TRIM59: variants seen among roughly 807,000 people sequenced by gnomAD.
TRIM59 encodes the protein tripartite motif containing 59.
TRIM59 carries 14 observed loss-of-function variants against 32.2 expected under a neutral mutation model. The observed-to-expected ratio is 0.43, with a 90% CI of 0.29 to 0.68. The LOEUF (loss-of-function observed/expected upper bound fraction) is 0.68. Among genes scored for constraint, TRIM59 ranks in the 30% least tolerant of loss-of-function variants. The pLI is 0.15. For synonymous variants in TRIM59, 163 were observed against 155.1 expected (o/e 1.05, Z -0.38); for missense variants, 471 against 463.3 (o/e 1.02, Z -0.15).
In TRIM59 at chr3:160,438,969, GATTCAATGCC is replaced by G; in HGVS notation, c.205_214del (p.Gly69LeufsTer8). ...CCTTAGTGCAAAATTAACAGGTAAAGATTCAATGCCAGTTGGAGCAATTTCAGTAATACTT... is the reference window on the plus strand; with the variant it reads ...CCTTAGTGCAAAATTAACAGGTAAAGAGTTGGAGCAATTTCAGTAATACTT... On this transcript the variant is annotated frameshift_variant, in exon 3 of 3. Transcript: ENST00000309784. LOFTEE classifies it high-confidence loss of function. 1 of 1,614,072 alleles carries G rather than the reference GATTCAATGCC, an allele frequency of 6.2e-7. No homozygotes were observed.
At chr3:160,446,735 G>A (rs1018582164) in intron 2 of TRIM59, among the ~76,000 whole-genome samples, 4 of 151,936 alleles carry the variant, frequency 2.6e-5, no homozygotes, top group South Asian at 2.1e-4. Context: ...CCTGAGCTCC[G>A]CCTCGAGCCC....
chr3:160,436,977 T>C lies in TRIM59; in HGVS notation c.*995A>G. ...TGTTCTAATAAGAATGAGTTTTTAA[T>C]CCAAGAACTGATTTGACTGACGAGC... On this transcript the variant is annotated 3_prime_UTR_variant, in exon 3 of 3. Transcript: ENST00000309784. 1.0e-6 allele frequency: 1 copy of C among 985,166 alleles called. No homozygotes were observed. The highest frequency in any genetic ancestry group is 1.2e-6 in the Non-Finnish European group (1 of 829,876). The allele number at this position is 985,166 out of a possible 1,614,324, so 61.0% of individuals were successfully genotyped here. A position where few individuals can be genotyped will look rare whatever the true frequency, so the allele number is the denominator to read the frequency against.
At position 160,438,404 on chromosome 3, in the gene TRIM59, A is replaced by G; in HGVS notation, c.780T>C (p.His260=). The G allele has an allele frequency of 1.2e-6, 2 of 1,614,022 alleles. No homozygotes were observed. The highest frequency in any genetic ancestry group is 1.7e-6 in the Non-Finnish European group (2 of 1,179,998). Residue 260 remains histidine (H), a synonymous_variant, in exon 3 of 3, where the codon CAT becomes CAC. Transcript: ENST00000309784. ...FLEKVDDVRQ[H]VQILKQRPLP... The stretch of plus-strand genomic sequence containing the variant: ...GTGGTCTTTGTTTCAAGATCTGTAC[A>G]TGCTGGCGTACATCATCAACTTTTT...
In TRIM59 at chr3:160,448,749, G is replaced by A. The variant is rs1382337685; in HGVS notation, c.-27C>T. 1 of 1,280,504 alleles carries A rather than the reference G, an allele frequency of 7.8e-7. No individual in the cohort carries two copies. The highest frequency in any genetic ancestry group is 1.0e-6 in the Non-Finnish European group (1 of 984,654). 79.3% of individuals were successfully genotyped at this position (1,280,504 alleles called of 1,614,324 possible). A position where few individuals can be genotyped will look rare whatever the true frequency, so the allele number is the denominator to read the frequency against. On this transcript the variant is annotated 5_prime_UTR_variant, in exon 2 of 3. Transcript: ENST00000309784. ...ACTTTGTTGATCTCGTGGTTTGGGG[G>A]CTGAATACACTCTTCTCCAACTCCT...
rs144049786 is a variant in TRIM59, at chr3:160,439,542, G to A, written c.-3-356C>T. On this transcript the variant is annotated intron_variant, in intron 2 of 2. Transcript: ENST00000309784. Reference sequence around the variant, plus strand: ...ATTGTAGCTCCCATAATTCCCACATGTTGTGGGAGGGACTCAGCGGTAGAT... The same window carrying A: ...ATTGTAGCTCCCATAATTCCCACATATTGTGGGAGGGACTCAGCGGTAGAT... Among the ~76,000 whole-genome samples, 491 of 152,288 alleles carry A rather than the reference G, an allele frequency of 3.2e-3. 1 individual carries two copies. The highest frequency in any genetic ancestry group is 0.011 in the African/African-American group (459 of 41,552).
chr3:160,437,430 A>G lies in TRIM59; in HGVS notation c.*542T>C. The G allele has an allele frequency of 3.0e-6, 3 of 985,422 alleles. No homozygotes were observed. Among genetic ancestry groups the G allele is most frequent in the Non-Finnish European group, 3.6e-6 (3 of 829,918 alleles). 61.0% of individuals were successfully genotyped at this position (985,422 alleles called of 1,614,324 possible). On this transcript the variant is annotated 3_prime_UTR_variant, in exon 3 of 3. Transcript: ENST00000309784. Reference sequence around the variant, plus strand: ...AGTTTTATTTGGAGTGAATGGTGATAAGCATTTAGGGCTCTTAAATCTATC... The same window carrying G: ...AGTTTTATTTGGAGTGAATGGTGATGAGCATTTAGGGCTCTTAAATCTATC...
chr3:160,436,108 G>A lies in TRIM59; in HGVS notation c.*1864C>T, dbSNP rs1718929609. 7.3e-6 allele frequency: 8 copies of A among 1,089,504 alleles called. No individual in the cohort carries two copies. In the South Asian group the frequency reaches 1.9e-4, roughly 25 times the overall value. The allele number at this position is 1,089,504 out of a possible 1,614,324, so 67.5% of individuals were successfully genotyped here. A position where few individuals can be genotyped will look rare whatever the true frequency, so the allele number is the denominator to read the frequency against. On this transcript the variant is annotated 3_prime_UTR_variant, in exon 3 of 3. Transcript: ENST00000309784. ...CTACTATGCCCTTTAAATGTTCTTTGCCCACACAATAGTTAATTGTGCTAG... is the reference window on the plus strand; with the variant it reads ...CTACTATGCCCTTTAAATGTTCTTTACCCACACAATAGTTAATTGTGCTAG...
intron 2 of TRIM59, among the ~76,000 whole-genome samples, chr3:160,444,536 A>G (rs1477664039): frequency 6.6e-6 from 1 of 152,210 alleles, no homozygotes; most frequent in African/African-American, 2.4e-5. Flanking sequence ...GAGCTGTCCT[A>G]TAATGTGACT....
intron 2 of TRIM59, among the ~76,000 whole-genome samples, chr3:160,442,179 T>C (rs1418332898): frequency 2.6e-5 from 4 of 152,200 alleles, no homozygotes; most frequent in African/African-American, 9.7e-5. Flanking sequence ...AAACTAGTCC[T>C]AAAACAGAAT....
Position 160,439,101 on chromosome 3 carries a change from G to A in TRIM59, c.83C>T (p.Thr28Ile), listed in dbSNP as rs1354938419. 1 of 1,548,878 alleles carries A rather than the reference G, an allele frequency of 6.5e-7. No homozygotes were observed. The highest frequency in any genetic ancestry group is 2.3e-5 in the East Asian group (1 of 44,426). The part of the protein sequence containing the change: ...EDPRVLPCSH[T>I]FCRNCLENIL... ...GTTTTCCAAACAATTTCTACAAAAT[G>A]TATGAGAGCATGGCAGTACACGAGG... Residue 28 changes from threonine (T) to isoleucine (I), a missense_variant, in exon 3 of 3, where the codon ACA (threonine) becomes ATA (isoleucine). Coordinates refer to ENST00000309784, the MANE Select transcript of TRIM59 (RefSeq NM_173084.3).
rs940858311 is a variant in TRIM59, at chr3:160,437,826, C to A, written c.*146G>T. Reference sequence around the variant, plus strand: ...CAGATATAACTTTGACATATCATTGCTAACCAAAAGAAGCAACAAATATAA... The same window carrying A: ...CAGATATAACTTTGACATATCATTGATAACCAAAAGAAGCAACAAATATAA... On this transcript the variant is annotated 3_prime_UTR_variant, in exon 3 of 3. Transcript: ENST00000309784. The A allele has an allele frequency of 3.1e-6, 4 of 1,280,612 alleles. No individual in the cohort carries two copies. The highest frequency in any genetic ancestry group is 1.5e-5 in the African/African-American group (1 of 64,938). The allele number at this position is 1,280,612 out of a possible 1,614,324, so 79.3% of individuals were successfully genotyped here. A position where few individuals can be genotyped will look rare whatever the true frequency, so the allele number is the denominator to read the frequency against.
At position 160,439,000 on chromosome 3, in the gene TRIM59, T is replaced by C. The variant is rs1719112977; in HGVS notation, c.184A>G (p.Ile62Val). ...IPLKCPNCRS[I>V]TEIAPTGIES... The stretch of plus-strand genomic sequence containing the variant: ...ATGCCAGTTGGAGCAATTTCAGTAA[T>C]ACTTCTGCAATTAGGGCACTTGAGT... The change falls in exon 3 of 3, where the codon ATT (isoleucine) becomes GTT (valine). Residue 62 changes from isoleucine (I) to valine (V), a missense_variant. Coordinates refer to ENST00000309784, the MANE Select transcript of TRIM59 (RefSeq NM_173084.3). The C allele has an allele frequency of 6.2e-7, 1 of 1,613,818 alleles. No homozygotes were observed. Among genetic ancestry groups the C allele is most frequent in the Non-Finnish European group, 8.5e-7 (1 of 1,179,812 alleles).
intron 2 of TRIM59, among the ~76,000 whole-genome samples, chr3:160,443,335 TA>T (rs1217676567): frequency 1.3e-5 from 2 of 152,040 alleles, no homozygotes; most frequent in African/African-American, 2.4e-5. Flanking sequence ...AAAACATCAG[TA>T]ACACTGGAAA....
Position 160,435,936 on chromosome 3 carries a change from T to G in TRIM59, c.*2036A>C. 1 of 1,284,402 alleles carries G rather than the reference T, an allele frequency of 7.8e-7. No homozygotes were observed. Among genetic ancestry groups the G allele is most frequent in the South Asian group, 1.2e-5 (1 of 80,066 alleles). The allele number at this position is 1,284,402 out of a possible 1,614,324, so 79.6% of individuals were successfully genotyped here. On this transcript the variant is annotated 3_prime_UTR_variant, in exon 3 of 3. Coordinates refer to ENST00000309784, the MANE Select transcript of TRIM59 (RefSeq NM_173084.3). ...AAATATTCACATCACAGAAATGAGATTAAGTAGTTTAACACATAATGGCTA... is the reference window on the plus strand; with the variant it reads ...AAATATTCACATCACAGAAATGAGAGTAAGTAGTTTAACACATAATGGCTA...
rs537311590 is a variant in TRIM59 at position 160,437,004 on chromosome 3, GAAAA to G, written c.*964_*967del. 5.2e-6 allele frequency: 5 copies of G among 962,104 alleles called. No homozygotes were observed. The highest frequency in any genetic ancestry group is 1.2e-4 in the East Asian group (1 of 8,662). The allele number at this position is 962,104 out of a possible 1,614,324, so 59.6% of individuals were successfully genotyped here. Reference sequence around the variant, plus strand: ...CAAGAACTGATTTGACTGACGAGCAGAAAAAAAAACAATCTTAAATTTGCACAAA... The same window carrying G: ...CAAGAACTGATTTGACTGACGAGCAGAAAAACAATCTTAAATTTGCACAAA... On this transcript the variant is annotated 3_prime_UTR_variant, in exon 3 of 3. Coordinates refer to ENST00000309784, the MANE Select transcript of TRIM59 (RefSeq NM_173084.3).
In TRIM59 at chr3:160,438,159, A is replaced by G; in HGVS notation, c.1025T>C (p.Leu342Pro). The change falls in exon 3 of 3, where the codon CTG becomes CCG. Residue 342 changes from leucine to proline, a missense_variant. Leu to Pro is a moderately conservative substitution (Grantham distance 98). Coordinates refer to ENST00000309784, the MANE Select transcript of TRIM59 (RefSeq NM_173084.3). ...TTGGTTGAAAAAGAGTATCGACATC[A>G]GTATTACTGAAATTAATGTAACTAC... ...IVVVTLISVI[L>P]MSILFFNQHI... The G allele has an allele frequency of 6.2e-7, 1 of 1,611,680 alleles. No homozygotes were observed. Among genetic ancestry groups the G allele is most frequent in the Middle Eastern group, 1.7e-4 (1 of 6,050 alleles).
chr3:160,444,022 A>C (rs1039505675), intron 2 of TRIM59, among the ~76,000 whole-genome samples: 2 of 152,212 alleles, frequency 1.3e-5, no homozygotes, highest in African/African-American at 2.4e-5. Flanking sequence ...AAAACGTGAT[A>C]GAATCATGAA....
At position 160,435,611 on chromosome 3, in the gene TRIM59, A is replaced by G. The variant is rs1718894875; in HGVS notation, c.*2361T>C. 1 of 165,276 alleles carries G rather than the reference A, an allele frequency of 6.1e-6. No individual in the cohort carries two copies. The highest frequency in any genetic ancestry group is 6.4e-5 in the Admixed American group (1 of 15,654). 10.2% of individuals were successfully genotyped at this position (165,276 alleles called of 1,614,324 possible). Reference sequence around the variant, plus strand: ...TTTTGCAATCTTCCTGCTGGTAAAAATACAAAACAGCAGCATAAGAACCAG... The same window carrying G: ...TTTTGCAATCTTCCTGCTGGTAAAAGTACAAAACAGCAGCATAAGAACCAG... On this transcript the variant is annotated 3_prime_UTR_variant, in exon 3 of 3. Coordinates refer to ENST00000309784, the MANE Select transcript of TRIM59 (RefSeq NM_173084.3).
rs1719666453 is a variant in TRIM59 at position 160,448,748 on chromosome 3, G to A, written c.-26C>T. 7.8e-7 allele frequency: 1 copy of A among 1,281,608 alleles called. No individual in the cohort carries two copies. Among genetic ancestry groups the A allele is most frequent in the South Asian group, 1.3e-5 (1 of 79,508 alleles). 79.4% of individuals were successfully genotyped at this position (1,281,608 alleles called of 1,614,324 possible). ...TACTTTGTTGATCTCGTGGTTTGGGGGCTGAATACACTCTTCTCCAACTCC... is the reference window on the plus strand; with the variant it reads ...TACTTTGTTGATCTCGTGGTTTGGGAGCTGAATACACTCTTCTCCAACTCC... On this transcript the variant is annotated 5_prime_UTR_variant, in exon 2 of 3. Transcript: ENST00000309784.
Sources: allele counts gnomAD v4.1 joint callset (sites outside exome capture counted in the v4.1 genomes callset), GRCh38; gene constraint gnomAD v4.1.1; transcripts MANE v1.5; gene names NCBI Gene and HGNC (gene_info 2026-07-23, HGNC 2026-07-21).